Variants in NCOA1 observed in about 807,000 individuals in gnomAD.
NCOA1 encodes nuclear receptor coactivator 1, also known as Hin-2 protein.
NCOA1 carries 35 observed loss-of-function variants against 150.9 expected under a neutral mutation model. The observed-to-expected ratio is 0.23, with a 90% CI of 0.18 to 0.31. The LOEUF (loss-of-function observed/expected upper bound fraction) is 0.31, where lower values mean the gene tolerates loss of function less well. Ranked by LOEUF, NCOA1 falls within the 10% of genes least tolerant of loss-of-function variation. The pLI is 1.00. For missense variants in NCOA1, 1,491 were observed against 1,749.3 expected (o/e 0.85, Z 2.63); for synonymous variants, 590 against 630.0 (o/e 0.94, Z 0.95).
intron 1 of NCOA1, among the ~76,000 whole-genome samples, chr2:24,523,914 G>A (rs1326176198): frequency 2.0e-5 from 2 of 98,980 alleles, no homozygotes; most frequent in African/African-American, 7.4e-5. Flanking sequence ...AACAGAGTGG[G>A]ACTCTGTCTC....
intron 3 of NCOA1, among the ~76,000 whole-genome samples, chr2:24,604,087 G>A (rs1668249297): frequency 6.6e-6 from 1 of 152,186 alleles, no homozygotes; most frequent in Non-Finnish European, 1.5e-5. Context: ...GGTGCATTGT[G>A]AATGAGCAGT....
chr2:24,499,037 T>A (rs1358206715), intron 1 of NCOA1, among the ~76,000 whole-genome samples: 1 of 152,212 alleles, frequency 6.6e-6, no homozygotes, highest in Non-Finnish European at 1.5e-5. Context: ...TACTTTTGAT[T>A]ATGAATTATG....
intron 1 of NCOA1, among the ~76,000 whole-genome samples, chr2:24,528,897 G>GT (rs1664765075): frequency 6.6e-6 from 1 of 151,704 alleles, no homozygotes; most frequent in Admixed American, 6.6e-5. Context: ...TTGTTTGTTT[G>GT]TTTTTTTGAG....
At chr2:24,513,119 A>C (rs1664006247) in intron 1 of NCOA1, among the ~76,000 whole-genome samples, 1 of 152,218 alleles carries the variant, frequency 6.6e-6, no homozygotes, top group Admixed American at 6.5e-5. Flanking sequence ...AATTGATAGG[A>C]AATATTTCAA....
At chr2:24,543,415 T>C (rs1466903264) in intron 1 of NCOA1, among the ~76,000 whole-genome samples, 1 of 152,114 alleles carries the variant, frequency 6.6e-6, no homozygotes, top group Non-Finnish European at 1.5e-5. Flanking sequence ...AGGCCCTGCC[T>C]CCCAACACTG....
chr2:24,568,213 TTTG>T (rs1666592123), intron 2 of NCOA1, among the ~76,000 whole-genome samples: 1 of 152,178 alleles, frequency 6.6e-6, no homozygotes, highest in Non-Finnish European at 1.5e-5. Flanking sequence ...AATATGGGAT[TTTG>T]TTGTTTTGGG....
In NCOA1 at chr2:24,682,314, T is replaced by C. The variant is rs764929487; in HGVS notation, c.355-637T>C. 3.3e-5 allele frequency among the ~76,000 whole-genome samples: 5 copies of C among 152,336 alleles called. No individual in the cohort carries two copies. The South Asian group carries it at 6.2e-4, about 19-fold the overall frequency. The stretch of plus-strand genomic sequence containing the variant: ...CTTCCTCGGGATACCAGGGTTTGTG[T>C]GATATGTGACTGTCTGCACCGAGTC... On this transcript the variant is annotated intron_variant, in intron 7 of 22. Coordinates refer to ENST00000348332, the MANE Select transcript of NCOA1 (RefSeq NM_003743.5).
At chr2:24,711,314 T>C (rs1383205885) in intron 14 of NCOA1, 3 of 475,486 alleles carry the variant, frequency 6.3e-6, no homozygotes, top group Non-Finnish European at 1.0e-5. Context: ...TCTATCCTTT[T>C]GTAATTAATG....
chr2:24,738,237 T>C (rs1432133863), intron 17 of NCOA1, among the ~76,000 whole-genome samples: 1 of 151,664 alleles, frequency 6.6e-6, no homozygotes, highest in African/African-American at 2.4e-5. Flanking sequence ...TATAAAACTT[T>C]CGTAGGCTTT....
chr2:24,627,121 GTTTT>G (rs33949925), intron 3 of NCOA1, among the ~76,000 whole-genome samples: 125 of 115,132 alleles, frequency 1.1e-3, no homozygotes, highest in Admixed American at 1.6e-3. Flanking sequence ...GTTTTTTGCT[GTTTT>G]TTTTTTTTTT....
At chr2:24,704,317 T>C (rs1050193977) in intron 11 of NCOA1, among the ~76,000 whole-genome samples, 1 of 152,124 alleles carries the variant, frequency 6.6e-6, no homozygotes, top group Non-Finnish European at 1.5e-5. Flanking sequence ...TAGTAAATTT[T>C]ATGGTGTGTC....
At chr2:24,721,860 C>A (rs554151478) in intron 14 of NCOA1, among the ~76,000 whole-genome samples, 1 of 152,208 alleles carries the variant, frequency 6.6e-6, no homozygotes, top group Non-Finnish European at 1.5e-5. Flanking sequence ...TGAAGTTTCA[C>A]AATCAGTTTG....
intron 1 of NCOA1, among the ~76,000 whole-genome samples, chr2:24,544,941 A>T (rs762009479): frequency 2.6e-5 from 4 of 152,248 alleles, no homozygotes. Context: ...GAAGAAGGCT[A>T]GAATGAACCA....
chr2:24,636,004 G>A (rs1669924879), intron 3 of NCOA1, among the ~76,000 whole-genome samples: 1 of 151,832 alleles, frequency 6.6e-6, no homozygotes, highest in Non-Finnish European at 1.5e-5. Context: ...TTACCATTGG[G>A]GAAATCATCA....
chr2:24,569,756 G>C (rs926525922), intron 2 of NCOA1, among the ~76,000 whole-genome samples: 2 of 150,522 alleles, frequency 1.3e-5, no homozygotes, highest in African/African-American at 4.9e-5. Context: ...CGTAATCCCA[G>C]CTACTTGGGA....
At chr2:24,547,848 G>A (rs1665663324) in intron 1 of NCOA1, among the ~76,000 whole-genome samples, 1 of 151,958 alleles carries the variant, frequency 6.6e-6, no homozygotes, top group Non-Finnish European at 1.5e-5. Context: ...AATTAGCCAA[G>A]CCTGGTGGCG....
intron 1 of NCOA1, among the ~76,000 whole-genome samples, chr2:24,559,664 T>TGGTA (rs1666217791): frequency 6.6e-6 from 1 of 152,056 alleles, no homozygotes; most frequent in Non-Finnish European, 1.5e-5. Flanking sequence ...CCATGTTTTG[T>TGGTA]GGTAGGTCAT....
intron 14 of NCOA1, among the ~76,000 whole-genome samples, chr2:24,712,659 A>G (rs1415991755): frequency 6.6e-6 from 1 of 152,188 alleles, no homozygotes; most frequent in Non-Finnish European, 1.5e-5. Flanking sequence ...ATGAATGCAT[A>G]AACCAAAAAA....
chr2:24,638,960 A>G (rs148178066), intron 3 of NCOA1, among the ~76,000 whole-genome samples: 190 of 152,292 alleles, frequency 1.2e-3, no homozygotes, highest in Non-Finnish European at 2.3e-3. Flanking sequence ...TTCCTCGGAT[A>G]TACCACTTGA....
Sources: gnomAD v4.1 joint callset for allele counts (sites outside exome capture counted in the v4.1 genomes callset) on GRCh38, gnomAD v4.1.1 for gene constraint, MANE v1.5 for transcripts, NCBI Gene and HGNC (gene_info 2026-07-23, HGNC 2026-07-21) for gene names.